ZFHX3: variants seen among roughly 807,000 people sequenced by gnomAD.
ZFHX3 encodes the protein zinc finger homeobox protein 3.
Under a neutral mutation model 279.1 loss-of-function variants are expected in ZFHX3, and 42 were observed. That is an observed-to-expected ratio of 0.15 (90% CI 0.12 to 0.19). The LOEUF is 0.19. Ranked by LOEUF, ZFHX3 falls within the 10% of genes least tolerant of loss-of-function variation. The probability of loss-of-function intolerance (pLI) is 1.00; values close to 1 mark genes in which losing one functional copy is unlikely to be tolerated. For missense variants in ZFHX3, 4,981 were observed against 4,754.0 expected (o/e 1.05, Z -1.40); for synonymous variants, 2,293 against 1,957.8 (o/e 1.17, Z -4.52).
chr16:72,967,142 A>G (rs1422804597), intron 1 of ZFHX3, among the ~76,000 whole-genome samples: 1 of 152,240 alleles, frequency 6.6e-6, no homozygotes, highest in African/African-American at 2.4e-5. Flanking sequence ...AGGAAAAAAG[A>G]GGATCCCTGA....
At chr16:73,711,891 C>G (rs990290982) in intron 1 of ZFHX3, among the ~76,000 whole-genome samples, 1 of 152,166 alleles carries the variant, frequency 6.6e-6, no homozygotes, top group African/African-American at 2.4e-5. Flanking sequence ...TATAAAGGGG[C>G]CCTCCAGCCC....
At chr16:73,309,357 T>A (rs895336603) in intron 4 of ZFHX3, among the ~76,000 whole-genome samples, 2 of 152,178 alleles carry the variant, frequency 1.3e-5, no homozygotes, top group Non-Finnish European at 2.9e-5. Flanking sequence ...GTGTTAGTTT[T>A]CTAAGGATGA....
chr16:73,632,801 G>A lies in ZFHX3; in HGVS notation c.-1547+47379C>T, dbSNP rs1022579679. Among the ~76,000 whole-genome samples, 45 of 152,348 alleles carry A rather than the reference G, an allele frequency of 3.0e-4. 1 individual carries two copies. Among genetic ancestry groups the A allele is most frequent in the African/African-American group, 1.1e-3 (44 of 41,588 alleles). ...TAAAAAGACTGACAGCTGTGGCTGG[G>A]AACGGTGGCTTACGCCTGTAATCCC... On this transcript the variant is annotated intron_variant, in intron 2 of 17. Transcript: ENST00000641206.
At position 72,794,955 on chromosome 16, in the gene ZFHX3, A is replaced by G. The variant is rs1245467525; in HGVS notation, c.7727T>C (p.Leu2576Pro). ...CAGGAGTGGGTTACTGGGATCAAAG[A>G]GCATGAAAGGCATATCCAGGGACCT... ...LDRSLDMPFMLFDPSNPLLAS... is the reference protein window; with the variant it reads ...LDRSLDMPFMPFDPSNPLLAS... Residue 2576 changes from leucine (L) to proline (P), a missense_variant, in exon 9 of 10, where the codon CTC (leucine) becomes CCC (proline). Coordinates refer to ENST00000268489, the MANE Select transcript of ZFHX3 (RefSeq NM_006885.4). The surrounding 1 kb of genome is among the most constrained non-coding windows in gnomAD (Gnocchi z 4.2). 6.2e-7 allele frequency: 1 copy of G among 1,614,102 alleles called. No homozygotes were observed. The highest frequency in any genetic ancestry group is 2.2e-5 in the East Asian group (1 of 44,866).
rs554981657 is a variant in ZFHX3 at position 73,632,628 on chromosome 16, G to A, written c.-1547+47552C>T. 4.6e-5 allele frequency among the ~76,000 whole-genome samples: 7 copies of A among 151,632 alleles called. No homozygotes were observed. In the East Asian group the frequency reaches 9.7e-4, roughly 21 times the overall value. ...TTGAACCTGGGAGGTGAAGGTAGCA[G>A]TGAGCTGAGATCGCGCCACTGCACT... On this transcript the variant is annotated intron_variant, in intron 2 of 17. Transcript: ENST00000641206.
intron 2 of ZFHX3, among the ~76,000 whole-genome samples, chr16:73,456,996 T>C (rs1343065650): frequency 2.6e-5 from 4 of 152,162 alleles, no homozygotes; most frequent in Admixed American, 6.5e-5. Flanking sequence ...AAGGGACAGA[T>C]TGGAGATAAC....
At chr16:72,896,061 C>T (rs1367816938) in intron 3 of ZFHX3, among the ~76,000 whole-genome samples, 1 of 152,128 alleles carries the variant, frequency 6.6e-6, no homozygotes, top group Non-Finnish European at 1.5e-5. Context: ...TAGTTTGAGT[C>T]ATAAATGGGA....
At chr16:73,542,749 C>T (rs1183459479) in intron 2 of ZFHX3, among the ~76,000 whole-genome samples, 1 of 152,058 alleles carries the variant, frequency 6.6e-6, no homozygotes, top group Middle Eastern at 3.2e-3. Flanking sequence ...AAATATGTCT[C>T]ATGCAATAGT....
At chr16:72,945,195 G>T (rs910138670) in intron 3 of ZFHX3, among the ~76,000 whole-genome samples, 10 of 152,140 alleles carry the variant, frequency 6.6e-5, no homozygotes, top group Non-Finnish European at 1.2e-4. Context: ...AAAGAACAAG[G>T]GACCTCCCAG....
chr16:73,735,965 G>A (rs1192854696), intron 1 of ZFHX3, among the ~76,000 whole-genome samples: 4 of 150,434 alleles, frequency 2.7e-5, no homozygotes, highest in Non-Finnish European at 5.9e-5. Flanking sequence ...CATGGTGACA[G>A]CTCATACATG....
intron 5 of ZFHX3, among the ~76,000 whole-genome samples, chr16:73,179,591 C>T (rs1209130206): frequency 6.6e-6 from 1 of 152,156 alleles, no homozygotes; most frequent in Admixed American, 6.5e-5. Flanking sequence ...GCTCAAACTG[C>T]TCACGTGGAA....
chr16:73,246,707 G>T (rs1038768813), intron 5 of ZFHX3, among the ~76,000 whole-genome samples: 1 of 152,178 alleles, frequency 6.6e-6, no homozygotes, highest in South Asian at 2.1e-4. Context: ...CTTTAGATAC[G>T]ATGTGCTTAA....
chr16:73,165,278 G>A (rs1419380022), intron 5 of ZFHX3, among the ~76,000 whole-genome samples: 1 of 152,168 alleles, frequency 6.6e-6, no homozygotes, highest in Non-Finnish European at 1.5e-5. Context: ...GACTAAGTTA[G>A]TATATTTGGG....
At chr16:73,755,563 A>T (rs537030171) in intron 1 of ZFHX3, among the ~76,000 whole-genome samples, 55 of 152,302 alleles carry the variant, frequency 3.6e-4, no homozygotes, top group African/African-American at 1.1e-3. Context: ...AATTTTTTTT[A>T]AAATGCAGTA....
At chr16:73,639,259 C>A (rs1327120389) in intron 2 of ZFHX3, among the ~76,000 whole-genome samples, 2 of 152,124 alleles carry the variant, frequency 1.3e-5, no homozygotes, top group African/African-American at 4.8e-5. Flanking sequence ...CTGCAAGTAC[C>A]AGTTTCCCTG....
intron 2 of ZFHX3, among the ~76,000 whole-genome samples, chr16:73,578,316 C>T (rs1367288631): frequency 6.7e-6 from 1 of 149,734 alleles, no homozygotes; most frequent in Admixed American, 6.7e-5. Flanking sequence ...AAAATTTTAG[C>T]ATTAGAGATG....
Position 73,016,078 on chromosome 16 carries a change from G to A in ZFHX3, c.-50+31674C>T, listed in dbSNP as rs374701145. On this transcript the variant is annotated intron_variant, in intron 1 of 9. Transcript: ENST00000268489. The stretch of plus-strand genomic sequence containing the variant: ...AGAATAGTCTTCTCTCTTACGCAAA[G>A]GAGATCCCATCACCACCATCTCATT... 400 of 152,318 alleles carry A rather than the reference G, an allele frequency of 2.6e-3. 3 individuals carry two copies. The highest frequency in any genetic ancestry group is 0.022 in the South Asian group (106 of 4,818). 9.4% of individuals were successfully genotyped at this position (152,318 alleles called of 1,614,324 possible).
Position 73,310,536 on chromosome 16 carries a change from C to T in ZFHX3, c.-1194+7704G>A, listed in dbSNP as rs187462757. ...AGGGAAATTTAGTAATGTCCAGAGACATTTTTTTGTTGTCACAACTGGGGT... is the reference window on the plus strand; with the variant it reads ...AGGGAAATTTAGTAATGTCCAGAGATATTTTTTTGTTGTCACAACTGGGGT... On this transcript the variant is annotated intron_variant, in intron 4 of 17. Coordinates refer to the ZFHX3 transcript ENST00000641206. Among the ~76,000 whole-genome samples, 777 of 152,182 alleles carry T rather than the reference C, an allele frequency of 5.1e-3. 4 individuals are homozygous for T. The highest frequency in any genetic ancestry group is 7.9e-3 in the Non-Finnish European group (540 of 67,950).
At chr16:73,010,529 T>C (rs1963877152) in intron 1 of ZFHX3, among the ~76,000 whole-genome samples, 1 of 152,218 alleles carries the variant, frequency 6.6e-6, no homozygotes, top group African/African-American at 2.4e-5. Flanking sequence ...TGCTGCATTA[T>C]CAGAGAGCCC....
Sources: gnomAD v4.1 joint callset for allele counts (sites outside exome capture counted in the v4.1 genomes callset) on GRCh38, gnomAD v4.1.1 for gene constraint, Gnocchi (gnomAD v3.1) non-coding constraint, MANE v1.5 for transcripts, NCBI Gene and HGNC (gene_info 2026-07-23, HGNC 2026-07-21) for gene names.